The following CHSY1 variants were observed in gnomAD, a reference collection of about 807,000 sequenced individuals.
CHSY1 encodes chondroitin sulfate synthase 1, also known as N-acetylgalactosaminyl-proteoglycan 3-beta-glucuronosyltransferase 1.
In CHSY1, 13 loss-of-function variants were observed where a neutral mutation model predicts 59.8. The observed-to-expected ratio is 0.22, with a 90% CI of 0.14 to 0.35. The LOEUF is 0.35. Ranked by LOEUF, CHSY1 falls within the 10% of genes least tolerant of loss-of-function variation. The probability of loss-of-function intolerance (pLI) is 1.00; values close to 1 mark genes in which losing one functional copy is unlikely to be tolerated. For synonymous variants in CHSY1, 459 were observed against 401.2 expected (o/e 1.14, Z -1.72); for missense variants, 947 against 1,030.6 (o/e 0.92, Z 1.11).
intron 2 of CHSY1, among the ~76,000 whole-genome samples, chr15:101,193,705 G>A (rs1397458763): frequency 6.6e-6 from 1 of 152,222 alleles, no homozygotes; most frequent in Non-Finnish European, 1.5e-5. Context: ...TAATGCATAA[G>A]AGTAAAGAGA....
chr15:101,237,208 A>G (rs1022789430), intron 1 of CHSY1, among the ~76,000 whole-genome samples: 1 of 146,254 alleles, frequency 6.8e-6, no homozygotes, highest in African/African-American at 2.5e-5. Flanking sequence ...TGGACAAAAG[A>G]GCAAGACTCC....
At chr15:101,181,391 C>T (rs1447062710) in intron 2 of CHSY1, among the ~76,000 whole-genome samples, 1 of 152,216 alleles carries the variant, frequency 6.6e-6, no homozygotes, top group Non-Finnish European at 1.5e-5. Context: ...AAATTCTTAA[C>T]AATGAACACG....
rs780057924 is a variant in CHSY1 at position 101,178,566 on chromosome 15, G to C, written c.1231C>G (p.Gln411Glu). Residue 411 changes from glutamine to glutamate, a missense_variant, in exon 3 of 3, where the codon CAG becomes GAG. This residue lies in a region of CHSY1 where 602 missense variants were observed against 676.9 expected (regional missense o/e 0.89). Transcript: ENST00000254190. The stretch of plus-strand genomic sequence containing the variant: ...TTGGCATTGATCATCTCCATGACCT[G>C]CATGACAATGTCGTCCAAGGCTTCC... ...QREALDDIVM[Q>E]VMEMINANAK... is the part of the protein sequence containing the mutation. The C allele has an allele frequency of 2.5e-6, 4 of 1,614,104 alleles. No individual in the cohort carries two copies. The East Asian group carries it at 8.9e-5, about 36-fold the overall frequency.
chr15:101,229,217 A>G (rs2038870099), intron 2 of CHSY1, among the ~76,000 whole-genome samples: 1 of 152,264 alleles, frequency 6.6e-6, no homozygotes, highest in Admixed American at 6.5e-5. Flanking sequence ...CTCCTCTATC[A>G]GTAATTATAT....
chr15:101,225,051 T>C lies in CHSY1; in HGVS notation c.816+10031A>G, dbSNP rs74426279. ...CCTCCCACCGCTCCCCAACTCATCC[T>C]GCCTGCTCTAATTGATCCAGGCACC... is the stretch of plus-strand genomic sequence containing the variant. On this transcript the variant is annotated intron_variant, in intron 2 of 2. Coordinates refer to ENST00000254190, the MANE Select transcript of CHSY1 (RefSeq NM_014918.5). Among the ~76,000 whole-genome samples the C allele has an allele frequency of 4.6e-3, 700 of 152,330 alleles. 5 individuals are homozygous for C. The highest frequency in any genetic ancestry group is 0.015 in the African/African-American group (632 of 41,566).
chr15:101,226,999 A>G (rs1004454201), intron 2 of CHSY1, among the ~76,000 whole-genome samples: 1 of 152,236 alleles, frequency 6.6e-6, no homozygotes. Context: ...GTCTGCCCTG[A>G]AAGTAAAGCG....
intron 2 of CHSY1, among the ~76,000 whole-genome samples, chr15:101,212,618 T>C (rs1433585388): frequency 2.0e-5 from 3 of 152,196 alleles, no homozygotes; most frequent in East Asian, 1.9e-4. Context: ...GGGAGATTCA[T>C]TGGGAAGGAC....
intron 2 of CHSY1, among the ~76,000 whole-genome samples, chr15:101,183,768 A>C (rs1364090668): frequency 6.6e-6 from 1 of 152,240 alleles, no homozygotes; most frequent in Non-Finnish European, 1.5e-5. Flanking sequence ...AGTCCAGCTC[A>C]GTGCTTGACA....
intron 2 of CHSY1, among the ~76,000 whole-genome samples, chr15:101,228,588 A>G (rs530707240): frequency 6.6e-6 from 1 of 152,240 alleles, no homozygotes; most frequent in African/African-American, 2.4e-5. Flanking sequence ...AAGATTGGCA[A>G]CTAAGAATTC....
rs116713527 is a variant in CHSY1 at position 101,197,751 on chromosome 15, G to A, written c.817-18771C>T. On this transcript the variant is annotated intron_variant, in intron 2 of 2. Coordinates refer to ENST00000254190, the MANE Select transcript of CHSY1 (RefSeq NM_014918.5). The stretch of plus-strand genomic sequence containing the variant: ...ATTCCTAAGAAGCCAGGATTCTTAC[G>A]AATGGAAATACTTGTTAGAAGCCTA... Among the ~76,000 whole-genome samples the A allele has an allele frequency of 9.2e-3, 1,398 of 152,256 alleles. 19 individuals are homozygous for A. Among genetic ancestry groups the A allele is most frequent in the African/African-American group, 0.031 (1,307 of 41,554 alleles).
intron 2 of CHSY1, among the ~76,000 whole-genome samples, chr15:101,215,785 T>C (rs1312196157): frequency 6.6e-6 from 1 of 152,166 alleles, no homozygotes; most frequent in East Asian, 1.9e-4. Flanking sequence ...TTCATGTACA[T>C]CTCTTCAAGA....
At chr15:101,240,759 G>A (rs138612482) in intron 1 of CHSY1, among the ~76,000 whole-genome samples, 4 of 152,224 alleles carry the variant, frequency 2.6e-5, no homozygotes, top group East Asian at 1.9e-4. Context: ...AACCTTGAGC[G>A]GGATATAAAT....
Position 101,177,333 on chromosome 15 carries a change from AT to A in CHSY1, c.*54del. The A allele has an allele frequency of 6.4e-7, 1 of 1,561,552 alleles. No homozygotes were observed. On this transcript the variant is annotated 3_prime_UTR_variant, in exon 3 of 3. Coordinates refer to ENST00000254190, the MANE Select transcript of CHSY1 (RefSeq NM_014918.5). ...ACTTCAAAAACTGATCATACAAAAA[AT>A]TTTTGAAAAATAAATTAGATAATTA... is the stretch of plus-strand genomic sequence containing the variant.
At chr15:101,227,281 G>A (rs931377060) in intron 2 of CHSY1, among the ~76,000 whole-genome samples, 2 of 152,128 alleles carry the variant, frequency 1.3e-5, no homozygotes, top group Non-Finnish European at 2.9e-5. Context: ...CCAAAGAACT[G>A]TCATTATCTG....
Position 101,177,696 on chromosome 15 carries a change from C to T in CHSY1, c.2101G>A (p.Gly701Arg). The T allele has an allele frequency of 6.2e-7, 1 of 1,614,194 alleles. No homozygotes were observed. The highest frequency in any genetic ancestry group is 8.5e-7 in the Non-Finnish European group (1 of 1,180,038). Reference protein sequence around the residue: ...YGFGITCIYKGDLVRVGGFDV... With the variant: ...YGFGITCIYKRDLVRVGGFDV... The stretch of plus-strand genomic sequence containing the variant: ...AAGCCACCCACTCGGACAAGATCTC[C>T]CTTATAAATACACGTGATGCCAAAC... Residue 701 changes from glycine (G) to arginine (R), a missense_variant, in exon 3 of 3, where the codon GGA becomes AGA. Gly to Arg is a moderately radical substitution (Grantham distance 125). This residue lies in a region of CHSY1 where 602 missense variants were observed against 676.9 expected (regional missense o/e 0.89). Transcript: ENST00000254190.
At chr15:101,197,262 T>C (rs1453961301) in intron 2 of CHSY1, among the ~76,000 whole-genome samples, 1 of 152,206 alleles carries the variant, frequency 6.6e-6, no homozygotes, top group Non-Finnish European at 1.5e-5. Context: ...AAATTATTGA[T>C]ATATTTGACT....
intron 2 of CHSY1, among the ~76,000 whole-genome samples, chr15:101,186,185 T>C (rs1596427786): frequency 7.2e-6 from 1 of 138,360 alleles, no homozygotes; most frequent in South Asian, 2.3e-4. Flanking sequence ...CCAGGGGTGG[T>C]GGCACATGCC....
At chr15:101,225,152 T>A (rs186038142) in intron 2 of CHSY1, among the ~76,000 whole-genome samples, 79 of 152,252 alleles carry the variant, frequency 5.2e-4, no homozygotes, top group African/African-American at 1.9e-3. Context: ...CCCTGCAGCC[T>A]CAACCTTCCA....
In CHSY1 at chr15:101,224,667, T is replaced by C. The variant is rs568051674; in HGVS notation, c.816+10415A>G. The stretch of plus-strand genomic sequence containing the variant: ...TGCAGACGGTCTGCCTCTGAGAAAC[T>C]CCCACCTGGTCTAAGACCCACAGGC... On this transcript the variant is annotated intron_variant, in intron 2 of 2. Coordinates refer to ENST00000254190, the MANE Select transcript of CHSY1 (RefSeq NM_014918.5). Among the ~76,000 whole-genome samples, 4 of 152,186 alleles carry C rather than the reference T, an allele frequency of 2.6e-5. No homozygotes were observed. In the East Asian group the frequency reaches 7.7e-4, roughly 29 times the overall value.
Sources: gnomAD v4.1 joint callset for allele counts (sites outside exome capture counted in the v4.1 genomes callset) on GRCh38, gnomAD v4.1.1 for gene constraint, gnomAD v4.1.1 regional missense constraint, MANE v1.5 for transcripts, NCBI Gene and HGNC (gene_info 2026-07-23, HGNC 2026-07-21) for gene names.